Variants in INPP5F observed in about 807,000 individuals in gnomAD.
The protein encoded by INPP5F is phosphatidylinositide 4-phosphatase SAC2.
In INPP5F, 97 loss-of-function variants were observed where a neutral mutation model predicts 137.2. The ratio of observed to expected loss-of-function variants is 0.71; its 90% CI spans 0.60 to 0.84. The LOEUF is 0.84. Among genes scored for constraint, INPP5F ranks in the 40% least tolerant of loss-of-function variants. The pLI, the probability that INPP5F is intolerant of heterozygous loss-of-function variation, is 0.00. For synonymous variants in INPP5F, 504 were observed against 476.9 expected (o/e 1.06, Z -0.74); for missense variants, 1,271 against 1,371.9 (o/e 0.93, Z 1.16).
At chr10:119,760,927 T>C (rs961971544) in intron 2 of INPP5F, among the ~76,000 whole-genome samples, 2 of 152,212 alleles carry the variant, frequency 1.3e-5, no homozygotes, top group Non-Finnish European at 2.9e-5. Context: ...AATAAACATA[T>C]AGGAAAACAT....
At chr10:119,792,109 A>C (rs1280106760) in intron 5 of INPP5F, 48 bp from the exon 6 acceptor site, 1 of 1,614,082 alleles carries the variant, frequency 6.2e-7, no homozygotes, top group Admixed American at 1.7e-5. Flanking sequence ...TTTTGTAGGA[A>C]AACTGAAATA....
intron 2 of INPP5F, among the ~76,000 whole-genome samples, chr10:119,757,884 C>T (rs981142855): frequency 6.6e-6 from 1 of 152,068 alleles, no homozygotes; most frequent in African/African-American, 2.4e-5. Flanking sequence ...ATGGAAATAA[C>T]CTCCAAGAAG....
intron 2 of INPP5F, among the ~76,000 whole-genome samples, chr10:119,771,768 T>G (rs2134161133): frequency 6.8e-6 from 1 of 147,726 alleles, no homozygotes; most frequent in African/African-American, 2.5e-5. Context: ...TACAAAGTGA[T>G]CTTCCTATTT....
At chr10:119,795,961 G>A (rs893028152) in intron 6 of INPP5F, among the ~76,000 whole-genome samples, 1 of 151,946 alleles carries the variant, frequency 6.6e-6, no homozygotes, top group Admixed American at 6.5e-5. Context: ...GCCTGCAATC[G>A]CAGGCACTCG....
chr10:119,817,479 A>G (rs1039669205), intron 15 of INPP5F, among the ~76,000 whole-genome samples: 1 of 152,236 alleles, frequency 6.6e-6, no homozygotes, highest in African/African-American at 2.4e-5. Context: ...GAGGGTTCCA[A>G]TATCTCCAAT....
At chr10:119,753,194 T>C (rs954555596) in intron 2 of INPP5F, among the ~76,000 whole-genome samples, 2 of 152,336 alleles carry the variant, frequency 1.3e-5, no homozygotes, top group East Asian at 1.9e-4. Context: ...AAAATTCGTT[T>C]TCTATTATTT....
chr10:119,806,601 A>C (rs1482448013), intron 12 of INPP5F, 121 bp downstream of exon 12: 1 of 903,020 alleles, frequency 1.1e-6, no homozygotes, highest in East Asian at 2.9e-5. Flanking sequence ...TACAATATAC[A>C]AACACCCTTG....
chr10:119,795,683 G>A (rs1350508400), intron 6 of INPP5F, among the ~76,000 whole-genome samples: 1 of 152,156 alleles, frequency 6.6e-6, no homozygotes. Flanking sequence ...GGTGGCGGCC[G>A]GGCAGAGGCT....
intron 11 of INPP5F, 71 bp downstream of exon 11, chr10:119,805,532 T>G (rs1205156207): frequency 9.7e-7 from 1 of 1,031,890 alleles, no homozygotes; most frequent in Non-Finnish European, 1.5e-6. Flanking sequence ...AGCATTAAAC[T>G]GATAGCAGCA....
intron 1 of INPP5F, 89 bp from the exon 2 acceptor site, chr10:119,750,987 T>C: frequency 1.2e-6 from 1 of 847,360 alleles, no homozygotes; most frequent in South Asian, 1.4e-5. Context: ...TTTGGGACAT[T>C]GATTTTTTTT....
rs187409785 is a variant in INPP5F, at chr10:119,762,448, A to C, written c.178+11292A>C. On this transcript the variant is annotated intron_variant, in intron 2 of 19. Transcript: ENST00000650623. ...GTGATGATGTAGCCCTAATAACCTCATCATCTACCAAAGGCCCCACCTCCC... is the reference window on the plus strand; with the variant it reads ...GTGATGATGTAGCCCTAATAACCTCCTCATCTACCAAAGGCCCCACCTCCC... 7.9e-3 allele frequency among the ~76,000 whole-genome samples: 1,199 copies of C among 152,222 alleles called. 53 individuals are homozygous for C. The highest frequency in any genetic ancestry group is 0.069 in the Admixed American group (1,057 of 15,274).
rs750505672 is a variant in INPP5F at position 119,804,269 on chromosome 10, T to TA, written c.1214dup (p.Tyr405Ter). The TA allele has an allele frequency of 1.2e-6, 2 of 1,612,128 alleles. No homozygotes were observed. Among genetic ancestry groups the TA allele is most frequent in the Non-Finnish European group, 1.7e-6 (2 of 1,179,584 alleles). The change falls in exon 10 of 20, where the codon TAC becomes TAAC. Residue 405 changes from tyrosine (Y) to a stop codon, truncating the protein, a stop_gained and frameshift_variant. Transcript: ENST00000650623. LOFTEE classifies it high-confidence loss of function. ...VLLFNNSHLTYVSFDFHEHCR... is the reference protein window; with the variant it reads ...VLLFNNSHLT ...GCTTTTCAACAACTCACACCTCACTTACGTTTCGTTTGACTTCCATGAGCA... is the reference window on the plus strand; with the variant it reads ...GCTTTTCAACAACTCACACCTCACTTAACGTTTCGTTTGACTTCCATGAGCA...
Position 119,811,822 on chromosome 10 carries a change from G to A in INPP5F, c.1753G>A (p.Glu585Lys). 6.2e-7 allele frequency: 1 copy of A among 1,614,106 alleles called. No homozygotes were observed. Among genetic ancestry groups the A allele is most frequent in the Non-Finnish European group, 8.5e-7 (1 of 1,179,948 alleles). ...YSIFTKEKEH[E>K]ALHKENQRSH... ...CATATTTACCAAGGAGAAAGAACAT[G>A]AAGCTTTGCATAAGGAAAATCAGAG... Residue 585 changes from glutamate to lysine, a missense_variant, in exon 15 of 20, where the codon GAA becomes AAA. Glu to Lys is a moderately conservative substitution (Grantham distance 56). Around this residue, in one of 6 missense-constraint regions of INPP5F, gnomAD observed 593 missense variants for 712.4 expected, o/e 0.83. Coordinates refer to ENST00000650623, the MANE Select transcript of INPP5F (RefSeq NM_014937.4).
At chr10:119,805,267 A>G in intron 10 of INPP5F, 117 bp from the exon 11 acceptor site, 1 of 700,256 alleles carries the variant, frequency 1.4e-6, no homozygotes, top group Non-Finnish European at 2.4e-6. Flanking sequence ...AACCTCATAT[A>G]TGTACAGCAA....
At chr10:119,732,680 T>C (rs1848116124) in intron 1 of INPP5F, among the ~76,000 whole-genome samples, 1 of 151,922 alleles carries the variant, frequency 6.6e-6, no homozygotes, top group Non-Finnish European at 1.5e-5. Flanking sequence ...TTTCTATTTT[T>C]AGTAGAGACG....
intron 6 of INPP5F, among the ~76,000 whole-genome samples, chr10:119,795,439 G>A (rs1850335994): frequency 1.3e-5 from 2 of 151,336 alleles, no homozygotes; most frequent in South Asian, 2.1e-4. Flanking sequence ...CATCCCAGAT[G>A]GGGCGGCAGG....
At chr10:119,771,228 G>T (rs182957506) in intron 2 of INPP5F, among the ~76,000 whole-genome samples, 125 of 151,700 alleles carry the variant, frequency 8.2e-4, no homozygotes, top group African/African-American at 3.0e-3. Flanking sequence ...CTTTGTGATT[G>T]TTTTTTTTCA....
chr10:119,772,346 G>A (rs931879292), intron 2 of INPP5F, among the ~76,000 whole-genome samples: 1 of 152,146 alleles, frequency 6.6e-6, no homozygotes, highest in African/African-American at 2.4e-5. Context: ...GCAAAAGAGT[G>A]TGGTAGGAAT....
chr10:119,815,884 T>C (rs1851250298), intron 15 of INPP5F: 1 of 152,434 alleles, frequency 6.6e-6, no homozygotes, highest in African/African-American at 2.4e-5. Context: ...CATCTCACAA[T>C]GGTTGAGGTG....
Sources: allele counts gnomAD v4.1 joint callset (sites outside exome capture counted in the v4.1 genomes callset), GRCh38; gene constraint gnomAD v4.1.1; regional missense constraint gnomAD v4.1.1; transcripts MANE v1.5; gene names NCBI Gene and HGNC (gene_info 2026-07-23, HGNC 2026-07-21).